ATF1: variants seen among roughly 807,000 people sequenced by gnomAD.
The protein encoded by ATF1 is activating transcription factor 1, also known as cyclic AMP-dependent transcription factor ATF-1.
ATF1 carries 16 observed loss-of-function variants against 34.7 expected under a neutral mutation model. The ratio of observed to expected loss-of-function variants is 0.46; its 90% CI spans 0.31 to 0.70. ATF1 has a LOEUF of 0.70. ATF1 is among the 30% of genes least tolerant of loss of function. ATF1 has a pLI of 0.05. For missense variants in ATF1, 255 were observed against 321.6 expected (o/e 0.79, Z 1.58); for synonymous variants, 105 against 113.1 (o/e 0.93, Z 0.46).
At chr12:50,787,130 G>A (rs995059474) in intron 2 of ATF1, among the ~76,000 whole-genome samples, 1 of 152,108 alleles carries the variant, frequency 6.6e-6, no homozygotes, top group Non-Finnish European at 1.5e-5. Flanking sequence ...GTACTCTCTT[G>A]TTTTCCCATT....
At chr12:50,790,309 A>G (rs145748762) in intron 2 of ATF1, among the ~76,000 whole-genome samples, 2,284 of 151,498 alleles carry the variant, frequency 0.015, 57 homozygotes, top group African/African-American at 0.051. Context: ...GGCTCAAGCA[A>G]TCCTCCCAGC....
At chr12:50,792,372 T>C (rs1941324019) in intron 2 of ATF1, among the ~76,000 whole-genome samples, 1 of 152,196 alleles carries the variant, frequency 6.6e-6, no homozygotes, top group African/African-American at 2.4e-5. Context: ...CAATATATAT[T>C]TTGTTAATTG....
intron 2 of ATF1, among the ~76,000 whole-genome samples, chr12:50,792,922 T>C (rs986229893): frequency 2.6e-5 from 4 of 152,214 alleles, no homozygotes; most frequent in African/African-American, 7.2e-5. Context: ...TCTACCTTCA[T>C]ATTAACACCT....
At chr12:50,787,134 T>C (rs1470417853) in intron 2 of ATF1, among the ~76,000 whole-genome samples, 2 of 152,216 alleles carry the variant, frequency 1.3e-5, no homozygotes, top group Admixed American at 1.3e-4. Flanking sequence ...TCTCTTGTTT[T>C]CCCATTTCTG....
At chr12:50,773,569 A>G (rs1940834923) in intron 1 of ATF1, among the ~76,000 whole-genome samples, 1 of 144,436 alleles carries the variant, frequency 6.9e-6, no homozygotes. Context: ...AGCTGGGACC[A>G]CAGTCACCCA....
intron 1 of ATF1, among the ~76,000 whole-genome samples, chr12:50,767,481 C>T (rs575925440): frequency 6.6e-6 from 1 of 152,316 alleles, no homozygotes; most frequent in African/African-American, 2.4e-5. Flanking sequence ...GATCGTGCCA[C>T]TGCACTCCAG....
At chr12:50,802,871 CAAAAAA>C (rs71443203) in intron 3 of ATF1, among the ~76,000 whole-genome samples, 4 of 46,912 alleles carry the variant, frequency 8.5e-5, no homozygotes, top group African/African-American at 3.1e-4. Context: ...GACTCCATCT[CAAAAAA>C]AAAAAAAAAA....
intron 6 of ATF1, among the ~76,000 whole-genome samples, chr12:50,814,820 C>CTTTTTTT (rs35936124): frequency 7.1e-6 from 1 of 140,600 alleles, no homozygotes; most frequent in African/African-American, 2.6e-5. Flanking sequence ...ATACCTTCTA[C>CTTTTTTT]TTTTTTTTTT....
At chr12:50,775,320 G>A (rs980401847) in intron 1 of ATF1, among the ~76,000 whole-genome samples, 1 of 151,814 alleles carries the variant, frequency 6.6e-6, no homozygotes, top group African/African-American at 2.4e-5. Flanking sequence ...CTGTTGATAT[G>A]TGTGTTTTTT....
Position 50,802,900 on chromosome 12 carries a change from A to T in ATF1, c.195-6556A>T, listed in dbSNP as rs910381218. On this transcript the variant is annotated intron_variant, in intron 3 of 6. Transcript: ENST00000262053. ...AAAAAAAAAAAAAAAAAAAAGATCTAAATAAGTGAAAAGACATCTCATGTT... is the reference window on the plus strand; with the variant it reads ...AAAAAAAAAAAAAAAAAAAAGATCTTAATAAGTGAAAAGACATCTCATGTT... Among the ~76,000 whole-genome samples, 3 of 140,992 alleles carry T rather than the reference A, an allele frequency of 2.1e-5. No individual in the cohort carries two copies. In the Admixed American group the frequency reaches 2.1e-4, roughly 10 times the overall value. The allele number at this position is 140,992 out of a possible 152,430, so 92.5% of individuals were successfully genotyped here.
At chr12:50,798,426 A>G (rs962903667) in intron 3 of ATF1, among the ~76,000 whole-genome samples, 13 of 151,428 alleles carry the variant, frequency 8.6e-5, no homozygotes, top group Non-Finnish European at 1.0e-4. Flanking sequence ...CTCCTGCCTC[A>G]GTCTTCCGAG....
intron 2 of ATF1, among the ~76,000 whole-genome samples, chr12:50,785,505 C>G (rs1382576283): frequency 7.2e-5 from 11 of 152,202 alleles, no homozygotes; most frequent in Non-Finnish European, 1.3e-4. Flanking sequence ...CACCACAAAG[C>G]TAATAGCTTA....
intron 3 of ATF1, among the ~76,000 whole-genome samples, chr12:50,802,958 T>C (rs1357065650): frequency 7.2e-6 from 1 of 138,882 alleles, no homozygotes; most frequent in Non-Finnish European, 1.6e-5. Context: ...TAAGACCAAA[T>C]TAAAAAATGA....
At chr12:50,791,101 AGAATGGCATT>A in intron 2 of ATF1, among the ~76,000 whole-genome samples, 1 of 152,318 alleles carries the variant, frequency 6.6e-6, no homozygotes, top group Non-Finnish European at 1.5e-5. Context: ...TTGGTCAGTT[AGAATGGCATT>A]GTTTGTGCTA....
intron 1 of ATF1, among the ~76,000 whole-genome samples, chr12:50,774,734 T>G (rs1450985643): frequency 6.6e-6 from 1 of 150,390 alleles, no homozygotes; most frequent in African/African-American, 2.5e-5. Flanking sequence ...GAAAAAAGAG[T>G]TTTTTGTTTT....
At chr12:50,802,871 CAAAAAAAAA>C (rs71443203) in intron 3 of ATF1, among the ~76,000 whole-genome samples, 2 of 46,912 alleles carry the variant, frequency 4.3e-5, no homozygotes, top group African/African-American at 1.0e-4. Flanking sequence ...GACTCCATCT[CAAAAAAAAA>C]AAAAAAAAAA....
chr12:50,768,478 C>T (rs1940693039), intron 1 of ATF1, among the ~76,000 whole-genome samples: 1 of 152,196 alleles, frequency 6.6e-6, no homozygotes, highest in African/African-American at 2.4e-5. Flanking sequence ...CAAGAGGCAC[C>T]AGAGACCCCT....
chr12:50,787,239 G>A (rs1312954345), intron 2 of ATF1, among the ~76,000 whole-genome samples: 1 of 152,142 alleles, frequency 6.6e-6, no homozygotes, highest in African/African-American at 2.4e-5. Context: ...AGCACACAAA[G>A]AAGCAACTCA....
chr12:50,798,810 G>T (rs1251285190), intron 3 of ATF1, among the ~76,000 whole-genome samples: 2 of 152,096 alleles, frequency 1.3e-5, no homozygotes, highest in African/African-American at 2.4e-5. Context: ...CTCAATAAAT[G>T]CTGGGAAAAA....
Sources: gnomAD v4.1 joint callset for allele counts (sites outside exome capture counted in the v4.1 genomes callset) on GRCh38, gnomAD v4.1.1 for gene constraint, MANE v1.5 for transcripts, NCBI Gene and HGNC (gene_info 2026-07-23, HGNC 2026-07-21) for gene names.